The following TARS1 variants were observed in gnomAD, a reference collection of about 807,000 sequenced individuals.
TARS1 encodes the protein threonyl-tRNA synthetase 1.
TARS1 carries 57 observed loss-of-function variants against 97.7 expected under a neutral mutation model. The ratio of observed to expected loss-of-function variants is 0.58; its 90% CI spans 0.47 to 0.73. The LOEUF (loss-of-function observed/expected upper bound fraction) is 0.73, where lower values mean the gene tolerates loss of function less well. Among genes scored for constraint, TARS1 ranks in the 30% least tolerant of loss-of-function variants. TARS1 has a pLI of 0.00. For missense variants in TARS1, 806 were observed against 888.3 expected, an observed-to-expected ratio of 0.91 and a Z score of 1.18; for synonymous variants, 312 against 293.7, an observed-to-expected ratio of 1.06 and a Z score of -0.64.
At chr5:33,457,506 ATGT>A (rs2111561071) in intron 9 of TARS1, 103 bp downstream of exon 9, 2 of 1,349,882 alleles carry the variant, frequency 1.5e-6, no homozygotes, top group Non-Finnish European at 2.0e-6. Flanking sequence ...TTTTGAAGAG[ATGT>A]TGTGGCTTTT....
intron 11 of TARS1, 153 bp downstream of exon 11, chr5:33,460,014 T>A: frequency 1.4e-6 from 1 of 706,036 alleles, no homozygotes; most frequent in Non-Finnish European, 2.1e-6. Flanking sequence ...CTTCTGCACC[T>A]GATTAGATCC....
Position 33,457,268 on chromosome 5 carries a change from G to C in TARS1, c.849G>C (p.Thr283=). ...KALKIHKNSS[T]YWEGKADMET... ...ATCCTTGTTTTCAGAATTCCTCCAC[G>C]TACTGGGAAGGCAAAGCAGATATGG... Residue 283 remains threonine (T), a synonymous_variant, in exon 9 of 19, where the codon ACG becomes ACC. Transcript: ENST00000265112. The C allele has an allele frequency of 6.2e-7, 1 of 1,613,182 alleles. No individual in the cohort carries two copies. Among genetic ancestry groups the C allele is most frequent in the South Asian group, 1.1e-5 (1 of 90,840 alleles).
At position 33,457,215 on chromosome 5, in the gene TARS1, T is replaced by C. The variant is rs766159400; in HGVS notation, c.838-42T>C. 1.9e-6 allele frequency: 3 copies of C among 1,601,246 alleles called. No individual in the cohort carries two copies. In the Admixed American group the frequency reaches 5.1e-5, roughly 27 times the overall value. On this transcript the variant is annotated intron_variant, in intron 8 of 18. Transcript: ENST00000265112. The stretch of plus-strand genomic sequence containing the variant: ...TGGGAGTTAAAATAAGTGAGATGTT[T>C]ACAAATTTGAATGTTGTTTCATGGT...
intron 1 of TARS1, 22 bp from the exon 2 acceptor site, chr5:33,445,302 A>G (rs976803180): frequency 6.9e-6 from 11 of 1,593,938 alleles, no homozygotes; most frequent in Non-Finnish European, 6.9e-6. Context: ...ATTAAAATAT[A>G]AAACGTTTTT....
chr5:33,444,514 A>G (rs376969071), intron 1 of TARS1, among the ~76,000 whole-genome samples: 3 of 152,252 alleles, frequency 2.0e-5, no homozygotes, highest in African/African-American at 7.2e-5. Context: ...AAAACTTTCT[A>G]TGACTTCACT....
At chr5:33,453,560 G>A in intron 4 of TARS1, 148 bp downstream of exon 4, 1 of 1,105,262 alleles carries the variant, frequency 9.0e-7, no homozygotes, top group Non-Finnish European at 1.3e-6. Context: ...CTTCATTTAG[G>A]GAACATAATA....
intron 17 of TARS1, chr5:33,466,094 A>C (rs970500076): frequency 6.6e-6 from 1 of 152,240 alleles, no homozygotes; most frequent in African/African-American, 2.4e-5. Context: ...ATAGGCCGTC[A>C]CTGCTCACAT....
chr5:33,462,646 A>G (rs969887513), intron 16 of TARS1, among the ~76,000 whole-genome samples: 1 of 152,188 alleles, frequency 6.6e-6, no homozygotes, highest in Non-Finnish European at 1.5e-5. Context: ...GCATTTTTTA[A>G]AACAGATGCC....
chr5:33,440,810 T>C (rs983925409), upstream of TARS1: 7 of 538,204 alleles, frequency 1.3e-5, no homozygotes, highest in African/African-American at 1.3e-4. Flanking sequence ...CTTCTGCAGT[T>C]GCTCCTCCTC....
chr5:33,442,263 A>C (rs1214039637), intron 1 of TARS1, among the ~76,000 whole-genome samples: 2 of 151,922 alleles, frequency 1.3e-5, no homozygotes, highest in African/African-American at 4.8e-5. Context: ...CTAGATGATA[A>C]ATGGTGACTA....
intron 11 of TARS1, 170 bp downstream of exon 11, chr5:33,460,031 T>TG: frequency 3.6e-6 from 2 of 560,968 alleles, no homozygotes; most frequent in Non-Finnish European, 5.6e-6. Context: ...ATCCCCACTT[T>TG]TTTTTTTTTT....
chr5:33,449,960 AATAT>A (rs746500965), intron 3 of TARS1, among the ~76,000 whole-genome samples: 5 of 152,272 alleles, frequency 3.3e-5, no homozygotes, highest in East Asian at 3.9e-4. Context: ...TAAAACAGTG[AATAT>A]ATATATGTAT....
At chr5:33,449,016 A>G (rs891712151) in intron 3 of TARS1, among the ~76,000 whole-genome samples, 2 of 152,230 alleles carry the variant, frequency 1.3e-5, no homozygotes, top group Non-Finnish European at 2.9e-5. Context: ...CCGACTAGAC[A>G]GTGTTTACCT....
chr5:33,463,921 TGA>T, intron 17 of TARS1, 96 bp downstream of exon 17: 1 of 1,056,986 alleles, frequency 9.5e-7, no homozygotes, highest in African/African-American at 1.6e-5. Context: ...CGAGCTGTTG[TGA>T]TAAAGAGAAA....
At chr5:33,449,358 T>TATAGAGATATATAG (rs59141272) in intron 3 of TARS1, among the ~76,000 whole-genome samples, 1 of 146,404 alleles carries the variant, frequency 6.8e-6, no homozygotes, top group Non-Finnish European at 1.5e-5. Flanking sequence ...TATATATATA[T>TATAGAGATATATAG]CTTAAACTGG....
chr5:33,452,549 T>C, intron 3 of TARS1: 2 of 767,092 alleles, frequency 2.6e-6, no homozygotes, highest in South Asian at 1.7e-5. Context: ...TTTCATCACT[T>C]GATGATACTT....
intron 1 of TARS1, 80 bp downstream of exon 1, chr5:33,441,223 G>T: frequency 6.3e-7 from 1 of 1,577,846 alleles, no homozygotes; most frequent in Non-Finnish European, 8.7e-7. Flanking sequence ...GGGAGCGGGG[G>T]GCAGGAAGCA....
At chr5:33,444,064 T>C (rs1741291407) in intron 1 of TARS1, among the ~76,000 whole-genome samples, 1 of 152,200 alleles carries the variant, frequency 6.6e-6, no homozygotes, top group African/African-American at 2.4e-5. Context: ...GGAATATTAT[T>C]TGATAATAAA....
At position 33,457,352 on chromosome 5, in the gene TARS1, G is replaced by A. The variant is rs139622659; in HGVS notation, c.933G>A (p.Trp311Ter). ...CAGATCCTAAAATGTTGAAAGAGTGGGAGAAGTTCCAAGAGGAAGCTAAAA... is the reference window on the plus strand; with the variant it reads ...CAGATCCTAAAATGTTGAAAGAGTGAGAGAAGTTCCAAGAGGAAGCTAAAA... ...SFPDPKMLKE[W>*]EKFQEEAKNR... Residue 311 changes from tryptophan (W) to a stop codon, truncating the protein, a stop_gained, in exon 9 of 19, where the codon TGG (tryptophan) becomes TGA (stop). Coordinates refer to ENST00000265112, the MANE Select transcript of TARS1 (RefSeq NM_152295.5). LOFTEE classifies it high-confidence loss of function. 6.2e-7 allele frequency: 1 copy of A among 1,613,996 alleles called. No individual in the cohort carries two copies. The highest frequency in any genetic ancestry group is 8.5e-7 in the Non-Finnish European group (1 of 1,179,970).
Sources: allele counts gnomAD v4.1 joint callset (sites outside exome capture counted in the v4.1 genomes callset), GRCh38; gene constraint gnomAD v4.1.1; transcripts MANE v1.5; gene names NCBI Gene and HGNC (gene_info 2026-07-23, HGNC 2026-07-21).